NEB: variants seen among roughly 807,000 people sequenced by gnomAD.
NEB encodes nebulin, also known as nemaline myopathy type 2.
In NEB, 512 loss-of-function variants were observed where a neutral mutation model predicts 952.2. The observed-to-expected ratio is 0.54, with a 90% CI of 0.50 to 0.58. The LOEUF is 0.58. NEB is among the 20% of genes least tolerant of loss of function. The probability of loss-of-function intolerance (pLI) is 0.00; values close to 1 mark genes in which losing one functional copy is unlikely to be tolerated. For synonymous variants in NEB, 2,900 were observed against 3,149.8 expected, an observed-to-expected ratio of 0.92 and a Z score of 2.66; for missense variants, 8,428 against 9,231.1, an observed-to-expected ratio of 0.91 and a Z score of 3.56.
chr2:151,639,406 T>A, intron 62 of NEB, 22 bp from the exon 63 acceptor site: 1 of 1,494,914 alleles, frequency 6.7e-7, no homozygotes, highest in Non-Finnish European at 8.9e-7. Context: ...AATACACAAA[T>A]TCATCAGGAA....
intron 67 of NEB, among the ~76,000 whole-genome samples, chr2:151,630,143 A>G (rs1560671569): frequency 3.9e-5 from 6 of 152,218 alleles, no homozygotes; most frequent in Non-Finnish European, 1.5e-5. Context: ...ATATAACAAA[A>G]TATAGTTAAC....
At chr2:151,578,722 G>T (rs2096984585) in intron 105 of NEB, among the ~76,000 whole-genome samples, 1 of 148,678 alleles carries the variant, frequency 6.7e-6, no homozygotes, top group South Asian at 2.2e-4. Flanking sequence ...AAGGAAGGAA[G>T]GAGGGAAGGA....
At position 151,501,397 on chromosome 2, in the gene NEB, A is replaced by AAAG. The variant is rs1553568381; in HGVS notation, c.24012_24014dup (p.Phe8005dup). The AAAG allele has an allele frequency of 6.5e-7, 1 of 1,547,322 alleles. No homozygotes were observed. Among genetic ancestry groups the AAAG allele is most frequent in the African/African-American group, 1.4e-5 (1 of 73,080 alleles). On this transcript the variant is annotated inframe_insertion, in exon 168 of 182. Coordinates refer to ENST00000397345, the MANE Select transcript of NEB (RefSeq NM_001164508.2). ...AGAGCTTTCTCCCAAATACCGAGCTAAAGTTTTCTTGATTGAGTTTGACTC... is the reference window on the plus strand; with the variant it reads ...AGAGCTTTCTCCCAAATACCGAGCTAAAGAAGTTTTCTTGATTGAGTTTGACTC...
chr2:151,490,016 T>G lies in NEB; in HGVS notation c.25359A>C (p.Gln8453His), dbSNP rs377748897. ...ATGGGATGGAAGATACCGTTGTCTG[T>G]TGGGTAGCAACTGAAGATGATCGTT... ...PQQRSSSVAT[Q>H]QTTVSSIPSH... is the part of the protein sequence containing the mutation. Residue 8453 changes from glutamine (Q) to histidine (H), a missense_variant, in exon 181 of 182, where the codon CAA becomes CAC. By Grantham distance (24) the Gln-to-His change is conservative. Transcript: ENST00000397345. The G allele has an allele frequency of 2.4e-5, 38 of 1,613,452 alleles. No individual in the cohort carries two copies. The African/African-American group carries it at 4.5e-4, about 19-fold the overall frequency.
rs538962069 is a variant in NEB, at chr2:151,694,697, T to C, written c.1675-68A>G. ...GCATGTCACGACCTTTAAAGACTAG[T>C]GGGTAACTAAATACCTTATCTTAAT... On this transcript the variant is annotated intron_variant, in intron 18 of 181. Transcript: ENST00000397345. 3.4e-6 allele frequency: 4 copies of C among 1,172,454 alleles called. No individual in the cohort carries two copies. The African/African-American group carries it at 6.2e-5, about 18-fold the overall frequency. 72.6% of individuals were successfully genotyped at this position (1,172,454 alleles called of 1,614,324 possible).
intron 55 of NEB, among the ~76,000 whole-genome samples, chr2:151,645,363 A>G (rs1480938424): frequency 1.3e-5 from 2 of 152,250 alleles, no homozygotes; most frequent in Non-Finnish European, 2.9e-5. Flanking sequence ...CATCCAAAAT[A>G]GGATCCACAT....
chr2:151,655,880 A>G lies in NEB; in HGVS notation c.6639T>C (p.Phe2213=), dbSNP rs1388413583. 6.2e-7 allele frequency: 1 copy of G among 1,613,784 alleles called. No individual in the cohort carries two copies. Among genetic ancestry groups the G allele is most frequent in the Non-Finnish European group, 8.5e-7 (1 of 1,179,782 alleles). ...KYRQHPSNFQ[F]KKLTDSMDMV... is the part of the protein sequence containing the mutation. ...TGTCCATGGAATCAGTCAGCTTCTT[A>G]AACTGGAAGTTGCTCGGGTGCTGGC... The change falls in exon 50 of 182, where the codon TTT becomes TTC. Residue 2213 remains phenylalanine, a synonymous_variant. Coordinates refer to ENST00000397345, the MANE Select transcript of NEB (RefSeq NM_001164508.2).
chr2:151,674,447 A>G, intron 36 of NEB, 30 bp downstream of exon 36: 1 of 1,550,922 alleles, frequency 6.4e-7, no homozygotes, highest in Non-Finnish European at 8.9e-7. Context: ...AAAGGCAAAC[A>G]CCTAAACTTC....
intron 76 of NEB, 117 bp from the exon 77 acceptor site, chr2:151,614,704 G>A: frequency 8.2e-7 from 1 of 1,225,460 alleles, no homozygotes; most frequent in Non-Finnish European, 1.1e-6. Context: ...AAGGAGAAAA[G>A]TGAGTATCAT....
At position 151,644,004 on chromosome 2, in the gene NEB, C is replaced by T. The variant is rs952871710; in HGVS notation, c.7770G>A (p.Lys2590=). The stretch of plus-strand genomic sequence containing the variant: ...TGGTCTTCCACTTCTCAAAGTCCTT[C>T]TTGTACTCCCTGTCACTCTGGATCT... ...VAKIQSDREY[K]KDFEKWKTKF... The change falls in exon 57 of 182, where the codon AAG becomes AAA. Residue 2590 remains lysine, a synonymous_variant. Transcript: ENST00000397345. 1 of 1,613,970 alleles carries T rather than the reference C, an allele frequency of 6.2e-7. No homozygotes were observed. The highest frequency in any genetic ancestry group is 1.1e-5 in the South Asian group (1 of 91,076).
chr2:151,491,880 A>T (rs2056881191), intron 178 of NEB, 105 bp from the exon 179 acceptor site: 2 of 1,044,028 alleles, frequency 1.9e-6, no homozygotes, highest in African/African-American at 3.2e-5. Flanking sequence ...AATCACACTT[A>T]TTCCAGCTTA....
Position 151,671,209 on chromosome 2 carries a change from A to G in NEB, c.4320T>C (p.Tyr1440=). The part of the protein sequence containing the change: ...IQSDNVYKDE[Y]NSFLKGIGWI... ...ATCCGATGCCCTTCAAGAAGCTGTT[A>G]TACTCGTCTTTATACACATTCTGTA... is the stretch of plus-strand genomic sequence containing the variant. The change falls in exon 38 of 182, where the codon TAT becomes TAC. Residue 1440 remains tyrosine, a synonymous_variant. Transcript: ENST00000397345. The G allele has an allele frequency of 1.2e-6, 2 of 1,613,708 alleles. No homozygotes were observed. The highest frequency in any genetic ancestry group is 1.3e-5 in the African/African-American group (1 of 75,044).
At chr2:151,486,829 T>C (rs907918242) in intron 181 of NEB, 1 of 152,208 alleles carries the variant, frequency 6.6e-6, no homozygotes, top group Non-Finnish European at 1.5e-5. Context: ...AGGAAATGGA[T>C]ACCTAGGATT....
intron 24 of NEB, 139 bp downstream of exon 24, chr2:151,690,588 T>C (rs2099540800): frequency 1.4e-6 from 1 of 694,440 alleles, no homozygotes; most frequent in South Asian, 1.6e-5. Flanking sequence ...GCCTCATTTG[T>C]GTTTTATTAA....
rs766892385 is a variant in NEB at position 151,674,572 on chromosome 2, G to A, written c.3892C>T (p.Arg1298Trp). Residue 1298 changes from arginine to tryptophan, a missense_variant, in exon 36 of 182, where the codon CGG becomes TGG. Coordinates refer to ENST00000397345, the MANE Select transcript of NEB (RefSeq NM_001164508.2). ...TTGGCTATTAAGTCATACCAATCCC[G>A]TTTATAACAGACCTGGACAGAAAAG... ...AYNISDVCYK[R>W]DWYDLIAKGN... The A allele has an allele frequency of 7.5e-6, 12 of 1,609,370 alleles. No individual in the cohort carries two copies. The highest frequency in any genetic ancestry group is 2.2e-5 in the East Asian group (1 of 44,868).
intron 17 of NEB, among the ~76,000 whole-genome samples, chr2:151,696,198 T>C (rs927347871): frequency 6.6e-6 from 1 of 152,224 alleles, no homozygotes; most frequent in Non-Finnish European, 1.5e-5. Context: ...TCCAGAAACT[T>C]ACTAGGGAGA....
Position 151,620,879 on chromosome 2 carries a change from G to T in NEB, c.10560+40C>A, listed in dbSNP as rs1574010751. On this transcript the variant is annotated intron_variant, in intron 72 of 181. Transcript: ENST00000397345. Reference sequence around the variant, plus strand: ...CATCCAGCTGTATTCTGTGTGGCTGGCATGATGGTAAGAAATGTTAGGACT... The same window carrying T: ...CATCCAGCTGTATTCTGTGTGGCTGTCATGATGGTAAGAAATGTTAGGACT... 5.5e-6 allele frequency: 8 copies of T among 1,466,294 alleles called. No individual in the cohort carries two copies. In the East Asian group the frequency reaches 1.6e-4, roughly 30 times the overall value. 90.8% of individuals were successfully genotyped at this position (1,466,294 alleles called of 1,614,324 possible).
chr2:151,690,878 T>C (rs2099543598), intron 23 of NEB, 53 bp from the exon 24 acceptor site: 3 of 1,304,596 alleles, frequency 2.3e-6, no homozygotes, highest in African/African-American at 1.5e-5. Flanking sequence ...TGGTTATACA[T>C]GCGCTAACAT....
rs529106025 is a variant in NEB, at chr2:151,554,524, C to A, written c.19428+407G>T. On this transcript the variant is annotated intron_variant, in intron 125 of 181. Coordinates refer to ENST00000397345, the MANE Select transcript of NEB (RefSeq NM_001164508.2). ...GCAGTGAGCTGTGATTGCACCACTG[C>A]CCTCCAGCCAGGGCAACAGAGTGAG... 9.0e-4 allele frequency among the ~76,000 whole-genome samples: 137 copies of A among 152,228 alleles called. 3 individuals are homozygous for A. The South Asian group carries it at 0.025, about 28-fold the overall frequency.
Sources: gnomAD v4.1 joint callset for allele counts (sites outside exome capture counted in the v4.1 genomes callset) on GRCh38, gnomAD v4.1.1 for gene constraint, MANE v1.5 for transcripts, NCBI Gene and HGNC (gene_info 2026-07-23, HGNC 2026-07-21) for gene names.